Variants in TMTC1 observed in about 807,000 individuals in gnomAD.
TMTC1 encodes protein O-mannosyl-transferase TMTC1.
A neutral mutation model predicts 104.8 loss-of-function variants in TMTC1; 73 were observed. The observed-to-expected ratio is 0.70, with a 90% CI of 0.58 to 0.85. The LOEUF (loss-of-function observed/expected upper bound fraction) is 0.85. Among genes scored for constraint, TMTC1 ranks in the 40% least tolerant of loss-of-function variants. The pLI is 0.00. For synonymous variants in TMTC1, 434 were observed against 428.7 expected (o/e 1.01, Z -0.15); for missense variants, 1,035 against 1,096.1 (o/e 0.94, Z 0.79).
At chr12:29,641,163 T>C (rs2136541739) in intron 5 of TMTC1, 1 of 152,310 alleles carries the variant, frequency 6.6e-6, no homozygotes, top group South Asian at 2.1e-4. Context: ...CCCATCCTGG[T>C]AGCAAAAGAC....
chr12:29,774,236 C>T (rs1943657971), intron 1 of TMTC1, among the ~76,000 whole-genome samples: 1 of 152,148 alleles, frequency 6.6e-6, no homozygotes, highest in Non-Finnish European at 1.5e-5. Context: ...CGATCCCATC[C>T]CAAGATATTC....
chr12:29,708,322 G>C (rs1591955934), intron 5 of TMTC1, among the ~76,000 whole-genome samples: 1 of 152,118 alleles, frequency 6.6e-6, no homozygotes, highest in East Asian at 1.9e-4. Context: ...ATTAAAGAAA[G>C]CTACCACAAA....
At chr12:29,508,973 G>A (rs1257946169) in intron 17 of TMTC1, among the ~76,000 whole-genome samples, 1 of 152,096 alleles carries the variant, frequency 6.6e-6, no homozygotes, top group African/African-American at 2.4e-5. Context: ...CCAGTTTCCA[G>A]AACTGTGTTC....
At chr12:29,652,499 AG>A (rs749766265) in intron 5 of TMTC1, among the ~76,000 whole-genome samples, 21 of 152,234 alleles carry the variant, frequency 1.4e-4, no homozygotes, top group Non-Finnish European at 2.5e-4. Context: ...ATATATCCAG[AG>A]GTGGTAGTGC....
intron 16 of TMTC1, among the ~76,000 whole-genome samples, chr12:29,513,098 G>A (rs891177474): frequency 1.3e-5 from 2 of 152,164 alleles, no homozygotes; most frequent in African/African-American, 4.8e-5. Context: ...GTGAAGATGG[G>A]AATGTAGTGT....
intron 1 of TMTC1, among the ~76,000 whole-genome samples, chr12:29,769,059 AG>A (rs1943538313): frequency 6.6e-6 from 1 of 152,196 alleles, no homozygotes; most frequent in Non-Finnish European, 1.5e-5. Context: ...TTCAATTCTC[AG>A]GCCTTTGATC....
rs1943510293 is a variant in TMTC1, at chr12:29,767,980, C to T, written c.398G>A (p.Cys133Tyr). The T allele has an allele frequency of 8.1e-6, 13 of 1,613,738 alleles. No individual in the cohort carries two copies. Among genetic ancestry groups the T allele is most frequent in the Non-Finnish European group, 1.1e-5 (13 of 1,179,888 alleles). The change falls in exon 2 of 18, where the codon TGT (cysteine) becomes TAT (tyrosine). Residue 133 changes from cysteine to tyrosine, a missense_variant. Coordinates refer to ENST00000539277, the MANE Select transcript of TMTC1 (RefSeq NM_001193451.2). Reference protein sequence around the residue: ...CLVTLVLMYTCDKTVFKNRGL... With the variant: ...CLVTLVLMYTYDKTVFKNRGL... ...ACGATTCTTGAAGACAGTTTTATCACAGGTGTACATCAGCACAAGAGTCAC... is the reference window on the plus strand; with the variant it reads ...ACGATTCTTGAAGACAGTTTTATCATAGGTGTACATCAGCACAAGAGTCAC...
chr12:29,779,099 C>T (rs1343721989), intron 1 of TMTC1, among the ~76,000 whole-genome samples: 1 of 152,186 alleles, frequency 6.6e-6, no homozygotes, highest in Non-Finnish European at 1.5e-5. Context: ...ACCATGATTC[C>T]AAGTAGCTGA....
rs749319489 is a variant in TMTC1, at chr12:29,633,228, T to G, written c.1047A>C (p.Ile349=). 1 of 1,613,970 alleles carries G rather than the reference T, an allele frequency of 6.2e-7. No homozygotes were observed. Among genetic ancestry groups the G allele is most frequent in the Admixed American group, 1.7e-5 (1 of 60,012 alleles). The part of the protein sequence containing the change: ...QVGSIPLVET[I]WDMRNLATIF... ...TGGTGGCTAAGTTCCGCATGTCCCA[T>G]ATGGTCTCTACCAGAGGAATACTGC... is the stretch of plus-strand genomic sequence containing the variant. The change falls in exon 6 of 18, where the codon ATA becomes ATC. Residue 349 remains isoleucine, a synonymous_variant. Coordinates refer to ENST00000539277, the MANE Select transcript of TMTC1 (RefSeq NM_001193451.2).
intron 5 of TMTC1, among the ~76,000 whole-genome samples, chr12:29,692,707 T>A (rs951652980): frequency 6.9e-6 from 1 of 145,378 alleles, no homozygotes; most frequent in Non-Finnish European, 1.5e-5. Flanking sequence ...TATAGAGTAT[T>A]ATTCACGACA....
At chr12:29,536,017 A>T in intron 11 of TMTC1, 192 bp downstream of exon 11, 1 of 565,600 alleles carries the variant, frequency 1.8e-6, no homozygotes. Context: ...TTTGTCTAAA[A>T]GCGACCTGTG....
At chr12:29,637,669 G>A (rs1274530747) in intron 5 of TMTC1, among the ~76,000 whole-genome samples, 1 of 152,032 alleles carries the variant, frequency 6.6e-6, no homozygotes, top group Non-Finnish European at 1.5e-5. Flanking sequence ...CATTTTTATC[G>A]AGAAAAAAAT....
intron 10 of TMTC1, among the ~76,000 whole-genome samples, chr12:29,541,018 C>T (rs1005963074): frequency 2.0e-5 from 3 of 151,866 alleles, no homozygotes; most frequent in Admixed American, 6.6e-5. Flanking sequence ...AACAAACAAA[C>T]AAACAAAAAG....
chr12:29,741,306 T>C (rs899722329), intron 5 of TMTC1, among the ~76,000 whole-genome samples: 8 of 152,224 alleles, frequency 5.3e-5, no homozygotes, highest in African/African-American at 1.9e-4. Context: ...TCTCTCATTA[T>C]GGTATCTCAT....
chr12:29,691,487 C>CA (rs1053385017), intron 5 of TMTC1, among the ~76,000 whole-genome samples: 2 of 109,074 alleles, frequency 1.8e-5, no homozygotes, highest in African/African-American at 6.5e-5. Flanking sequence ...GTGAATTACT[C>CA]TCCCTCCATT....
chr12:29,523,635 C>T (rs1000322438), intron 11 of TMTC1, among the ~76,000 whole-genome samples: 4 of 151,866 alleles, frequency 2.6e-5, no homozygotes, highest in South Asian at 2.1e-4. Flanking sequence ...CTACCACTAT[C>T]GTAAAGGCAC....
At chr12:29,629,087 A>G (rs1350617358) in intron 6 of TMTC1, among the ~76,000 whole-genome samples, 4 of 151,974 alleles carry the variant, frequency 2.6e-5, no homozygotes, top group Non-Finnish European at 5.9e-5. Context: ...TGGGAGGCCG[A>G]GGCAGGTGGA....
In TMTC1 at chr12:29,783,432, G is replaced by A; in HGVS notation, c.302+18C>T. On this transcript the variant is annotated intron_variant, in intron 1 of 17. Coordinates refer to ENST00000539277, the MANE Select transcript of TMTC1 (RefSeq NM_001193451.2). The surrounding 1 kb of genome is among the most constrained non-coding windows in gnomAD (Gnocchi z 4.7). ...GGTAGAGGAGGCAGCGGCGGCTAGC[G>A]CGAGGTGAGGGACTCACTTGAAGGT... 3 of 1,288,316 alleles carry A rather than the reference G, an allele frequency of 2.3e-6. No individual in the cohort carries two copies. The highest frequency in any genetic ancestry group is 3.0e-6 in the Non-Finnish European group (3 of 1,014,894). The allele number at this position is 1,288,316 out of a possible 1,614,324, so 79.8% of individuals were successfully genotyped here. A position where few individuals can be genotyped will look rare whatever the true frequency, so the allele number is the denominator to read the frequency against.
chr12:29,650,704 C>A (rs1182542372), intron 5 of TMTC1, among the ~76,000 whole-genome samples: 1 of 152,136 alleles, frequency 6.6e-6, no homozygotes, highest in Non-Finnish European at 1.5e-5. Flanking sequence ...TCTAAAGAAG[C>A]AGCATGATCT....
Sources: gnomAD v4.1 joint callset for allele counts (sites outside exome capture counted in the v4.1 genomes callset) on GRCh38, gnomAD v4.1.1 for gene constraint, Gnocchi (gnomAD v3.1) non-coding constraint, MANE v1.5 for transcripts, NCBI Gene and HGNC (gene_info 2026-07-23, HGNC 2026-07-21) for gene names.